IL2RB: variants seen among roughly 807,000 people sequenced by gnomAD.
IL2RB encodes interleukin-2 receptor subunit beta.
IL2RB carries 17 observed loss-of-function variants against 44.2 expected under a neutral mutation model. That is an observed-to-expected ratio of 0.38 (90% CI 0.26 to 0.58). IL2RB has a LOEUF of 0.58. Ranked by LOEUF, IL2RB falls within the 20% of genes least tolerant of loss-of-function variation. The pLI is 0.63. For synonymous variants in IL2RB, 286 were observed against 297.9 expected (o/e 0.96, Z 0.41); for missense variants, 624 against 685.5 (o/e 0.91, Z 1.00).
chr22:37,136,547 A>C, intron 6 of IL2RB, 154 bp from the exon 7 acceptor site: 1 of 768,134 alleles, frequency 1.3e-6, no homozygotes, highest in Non-Finnish European at 2.0e-6. Context: ...TGGGGCCTCA[A>C]ACCCCAGGGT....
chr22:37,148,045 C>T (rs1922310498), intron 1 of IL2RB, among the ~76,000 whole-genome samples: 1 of 152,166 alleles, frequency 6.6e-6, no homozygotes, highest in Admixed American at 6.5e-5. Context: ...GCAGAGAGCC[C>T]CAGTGTGTGA....
Position 37,160,610 on chromosome 22 carries a change from G to A in IL2RB, c.-34+14348C>T, listed in dbSNP as rs189038276. Among the ~76,000 whole-genome samples, 11 of 151,910 alleles carry A rather than the reference G, an allele frequency of 7.2e-5. No individual in the cohort carries two copies. In the East Asian group the frequency reaches 2.1e-3, roughly 29 times the overall value. On this transcript the variant is annotated intron_variant, in intron 1 of 5. Transcript: ENST00000429622. ...TATTTTTAAAAACGTGAAAGGCCAAGGCGGGTGGATTGCTTGAGCTCAGGA... is the reference window on the plus strand; with the variant it reads ...TATTTTTAAAAACGTGAAAGGCCAAAGCGGGTGGATTGCTTGAGCTCAGGA...
In IL2RB at chr22:37,144,183, G is replaced by A. The variant is rs1470582600; in HGVS notation, c.-11C>T. On this transcript the variant is annotated 5_prime_UTR_variant, in exon 2 of 10. Transcript: ENST00000216223. ...AGCAGGGGCCGCCATTACATCCACA[G>A]GGTGGAGCCGAGGAAGGAAGCCCTG... 5.2e-6 allele frequency: 8 copies of A among 1,549,830 alleles called. No homozygotes were observed. Among genetic ancestry groups the A allele is most frequent in the Non-Finnish European group, 7.0e-6 (8 of 1,146,074 alleles).
intron 1 of IL2RB, among the ~76,000 whole-genome samples, chr22:37,163,655 G>A (rs1164822183): frequency 6.6e-6 from 1 of 152,000 alleles, no homozygotes; most frequent in Non-Finnish European, 1.5e-5. Flanking sequence ...GCATGAGGAT[G>A]CCTTATACCC....
chr22:37,147,978 G>C (rs928343235), intron 1 of IL2RB, among the ~76,000 whole-genome samples: 1 of 152,222 alleles, frequency 6.6e-6, no homozygotes, highest in Non-Finnish European at 1.5e-5. Flanking sequence ...GTTTTGTGTG[G>C]GTGTCACCCC....
At chr22:37,162,938 C>T (rs1213984189) in intron 1 of IL2RB, among the ~76,000 whole-genome samples, 1 of 152,198 alleles carries the variant, frequency 6.6e-6, no homozygotes, top group East Asian at 1.9e-4. Flanking sequence ...TCATTTCTTC[C>T]CTTCGGTTCC....
At chr22:37,159,278 A>T (rs537490768) in intron 1 of IL2RB, among the ~76,000 whole-genome samples, 1 of 152,246 alleles carries the variant, frequency 6.6e-6, no homozygotes, top group East Asian at 1.9e-4. Flanking sequence ...GGAAAAAATT[A>T]AAATGTCCCT....
chr22:37,133,498 C>T (rs993721246), intron 8 of IL2RB, among the ~76,000 whole-genome samples: 1 of 152,208 alleles, frequency 6.6e-6, no homozygotes, highest in Non-Finnish European at 1.5e-5. Context: ...ATGGTAGCCC[C>T]TGACTCACTG....
chr22:37,159,353 G>A (rs1299559974), intron 1 of IL2RB, among the ~76,000 whole-genome samples: 1 of 152,028 alleles, frequency 6.6e-6, no homozygotes, highest in Non-Finnish European at 1.5e-5. Context: ...AGCAAAAAAT[G>A]GGGTCAGAAA....
rs1250057501 is a variant in IL2RB at position 37,127,820 on chromosome 22, CG to C, written c.*275del. The C allele has an allele frequency of 6.2e-6, 2 of 320,070 alleles. No homozygotes were observed. The highest frequency in any genetic ancestry group is 4.3e-5 in the African/African-American group (2 of 46,900). The allele number at this position is 320,070 out of a possible 1,614,324, so 19.8% of individuals were successfully genotyped here. A position where few individuals can be genotyped will look rare whatever the true frequency, so the allele number is the denominator to read the frequency against. Reference sequence around the variant, plus strand: ...GGAGCGATGCTTCTGAGCCTAAATTCGTGGGATCCTGTGATTAACGAGGGAG... The same window carrying C: ...GGAGCGATGCTTCTGAGCCTAAATTCTGGGATCCTGTGATTAACGAGGGAG... On this transcript the variant is annotated 3_prime_UTR_variant, in exon 10 of 10. Transcript: ENST00000216223.
intron 1 of IL2RB, among the ~76,000 whole-genome samples, chr22:37,155,212 C>T (rs1456668892): frequency 1.3e-5 from 2 of 152,134 alleles, no homozygotes; most frequent in Non-Finnish European, 2.9e-5. Flanking sequence ...TCAGCCCCTG[C>T]CCTGCTCAGA....
At chr22:37,158,398 T>TA (rs1414546265) in intron 1 of IL2RB, among the ~76,000 whole-genome samples, 5 of 151,096 alleles carry the variant, frequency 3.3e-5, no homozygotes, top group Admixed American at 6.6e-5. Flanking sequence ...AAATAAAAAT[T>TA]AAAAAAAAAT....
chr22:37,164,253 C>T (rs1316805730), intron 1 of IL2RB, among the ~76,000 whole-genome samples: 1 of 152,136 alleles, frequency 6.6e-6, no homozygotes, highest in African/African-American at 2.4e-5. Context: ...CAGCCTCACT[C>T]CTCCCTAAGC....
chr22:37,155,620 G>A (rs1922653037), intron 1 of IL2RB, among the ~76,000 whole-genome samples: 1 of 152,184 alleles, frequency 6.6e-6, no homozygotes, highest in South Asian at 2.1e-4. Context: ...TAGAACCTAG[G>A]TCTGTCCCAG....
chr22:37,163,448 G>C (rs1337972885), intron 1 of IL2RB, among the ~76,000 whole-genome samples: 8 of 152,138 alleles, frequency 5.3e-5, no homozygotes, highest in African/African-American at 1.4e-4. Flanking sequence ...GAAATGGGGG[G>C]GCCGCTTCTA....
In IL2RB at chr22:37,127,336, A is replaced by G. The variant is rs1921166237; in HGVS notation, c.*760T>C. On this transcript the variant is annotated 3_prime_UTR_variant, in exon 10 of 10. Coordinates refer to ENST00000216223, the MANE Select transcript of IL2RB (RefSeq NM_000878.5). ...GTCCCTGACAGCTTCTCCCTCCAGCACTGACGCTAGAAGTTTCTGGCAGAT... is the reference window on the plus strand; with the variant it reads ...GTCCCTGACAGCTTCTCCCTCCAGCGCTGACGCTAGAAGTTTCTGGCAGAT... The G allele has an allele frequency of 6.6e-6, 1 of 152,158 alleles. No homozygotes were observed. Among genetic ancestry groups the G allele is most frequent in the Non-Finnish European group, 1.5e-5 (1 of 68,056 alleles). The allele number at this position is 152,158 out of a possible 1,614,324, so 9.4% of individuals were successfully genotyped here.
chr22:37,171,729 C>T (rs1601616754), intron 1 of IL2RB, among the ~76,000 whole-genome samples: 1 of 152,224 alleles, frequency 6.6e-6, no homozygotes, highest in Admixed American at 6.5e-5. Context: ...GCAAGCTCCA[C>T]GTGAGAAGAG....
Position 37,135,389 on chromosome 22 carries a change from C to T in IL2RB, c.757G>A (p.Gly253Arg). The T allele has an allele frequency of 1.9e-6, 3 of 1,613,928 alleles. No homozygotes were observed. The highest frequency in any genetic ancestry group is 2.5e-6 in the Non-Finnish European group (3 of 1,179,870). Residue 253 changes from glycine (G) to arginine (R), a missense_variant, in exon 8 of 10, where the codon GGG (glycine) becomes AGG (arginine). Around this residue, in one of 3 missense-constraint regions of IL2RB, gnomAD observed 255 missense variants for 339.9 expected, o/e 0.75. Transcript: ENST00000216223. ...WLGHLLVGLS[G>R]AFGFIILVYL... ...ACTAAGATGATGAAGCCAAAAGCCC[C>T]GCTGAGGCCCACGAGGAGGTGGCCG...
chr22:37,147,544 T>C (rs529196497), intron 1 of IL2RB, among the ~76,000 whole-genome samples: 1 of 152,338 alleles, frequency 6.6e-6, no homozygotes, highest in South Asian at 2.1e-4. Context: ...ATTATCCCAT[T>C]CTACAGATGA....
Sources: allele counts gnomAD v4.1 joint callset (sites outside exome capture counted in the v4.1 genomes callset), GRCh38; gene constraint gnomAD v4.1.1; regional missense constraint gnomAD v4.1.1; transcripts MANE v1.5; gene names NCBI Gene and HGNC (gene_info 2026-07-23, HGNC 2026-07-21).